UNC5D: variants seen among roughly 807,000 people sequenced by gnomAD.
The protein encoded by UNC5D is netrin receptor UNC5D.
In UNC5D, 39 loss-of-function variants were observed where a neutral mutation model predicts 105.4. The observed-to-expected ratio is 0.37, with a 90% CI of 0.29 to 0.48. The LOEUF is 0.48. Among genes scored for constraint, UNC5D ranks in the 20% least tolerant of loss-of-function variants. UNC5D has a pLI of 0.98. For missense variants in UNC5D, 991 were observed against 1,202.4 expected, an observed-to-expected ratio of 0.82 and a Z score of 2.60; for synonymous variants, 452 against 450.4, an observed-to-expected ratio of 1.00 and a Z score of -0.04.
chr8:35,544,335 A>T, intron 1 of UNC5D: 1 of 1,517,118 alleles, frequency 6.6e-7, no homozygotes, highest in Non-Finnish European at 8.9e-7. Flanking sequence ...AGGAAGATGC[A>T]GCTGTATCAG....
intron 1 of UNC5D, among the ~76,000 whole-genome samples, chr8:35,258,184 T>C (rs578063456): frequency 6.6e-6 from 1 of 152,280 alleles, no homozygotes; most frequent in South Asian, 2.1e-4. Context: ...ACAGTGTTCT[T>C]ACATGGTGGA....
At chr8:35,406,895 G>A (rs533988952) in intron 1 of UNC5D, among the ~76,000 whole-genome samples, 2 of 152,234 alleles carry the variant, frequency 1.3e-5, no homozygotes, top group South Asian at 2.1e-4. Context: ...ATGTGTGTAT[G>A]ATGCACGTAT....
chr8:35,347,266 C>A (rs558581127), intron 1 of UNC5D, among the ~76,000 whole-genome samples: 1 of 152,088 alleles, frequency 6.6e-6, no homozygotes, highest in East Asian at 1.9e-4. Flanking sequence ...ATAATCTACC[C>A]AAGTGGTCAG....
intron 1 of UNC5D, among the ~76,000 whole-genome samples, chr8:35,283,669 T>C (rs970480806): frequency 2.0e-5 from 3 of 152,126 alleles, no homozygotes; most frequent in African/African-American, 7.2e-5. Flanking sequence ...CTGGGCATGG[T>C]GGCACACACC....
chr8:35,510,587 G>T (rs914146267), intron 1 of UNC5D, among the ~76,000 whole-genome samples: 1 of 152,078 alleles, frequency 6.6e-6, no homozygotes, highest in African/African-American at 2.4e-5. Flanking sequence ...CTGAGACCAA[G>T]AAATATTTGA....
chr8:35,544,902 C>A (rs1815539614), intron 1 of UNC5D, among the ~76,000 whole-genome samples: 2 of 152,150 alleles, frequency 1.3e-5, no homozygotes, highest in Non-Finnish European at 1.5e-5. Flanking sequence ...AGCACCTGGT[C>A]ACACCTATTC....
At position 35,415,018 on chromosome 8, in the gene UNC5D, G is replaced by A. The variant is rs1047865029; in HGVS notation, c.104-134274G>A. Among the ~76,000 whole-genome samples, 4 of 151,980 alleles carry A rather than the reference G, an allele frequency of 2.6e-5. No homozygotes were observed. In the South Asian group the frequency reaches 6.2e-4, roughly 24 times the overall value. ...ATCCAGGGAACCTTAAGGTACCTGT[G>A]GGTAGACCTCACCTTAGGTCTAAAT... On this transcript the variant is annotated intron_variant, in intron 1 of 16. Transcript: ENST00000404895.
chr8:35,463,593 G>T (rs1809060530), intron 1 of UNC5D, among the ~76,000 whole-genome samples: 1 of 143,626 alleles, frequency 7.0e-6, no homozygotes, highest in Non-Finnish European at 1.5e-5. Context: ...AGACATTTTT[G>T]AACAAAGCAA....
At position 35,790,634 on chromosome 8, in the gene UNC5D, T is replaced by C; in HGVS notation, c.*71T>C. ...TTGCTTTAAATGGGAAAGAGGCCGC[T>C]TTCTGCCCAGTGGCGTTGGGGGAAT... On this transcript the variant is annotated 3_prime_UTR_variant, in exon 17 of 17. Transcript: ENST00000404895. 1 of 1,553,996 alleles carries C rather than the reference T, an allele frequency of 6.4e-7. No homozygotes were observed. The highest frequency in any genetic ancestry group is 1.1e-5 in the South Asian group (1 of 88,340).
chr8:35,701,326 C>G (rs1586475223), intron 7 of UNC5D, among the ~76,000 whole-genome samples: 1 of 152,144 alleles, frequency 6.6e-6, no homozygotes, highest in Non-Finnish European at 1.5e-5. Flanking sequence ...AGGAGCAGCC[C>G]TCTGTCTGCA....
At chr8:35,493,586 A>G (rs1811351571) in intron 1 of UNC5D, among the ~76,000 whole-genome samples, 1 of 151,878 alleles carries the variant, frequency 6.6e-6, no homozygotes, top group South Asian at 2.1e-4. Flanking sequence ...ACCTCAAAGC[A>G]AAACAAAAAA....
At chr8:35,392,627 C>T (rs1359462540) in intron 1 of UNC5D, among the ~76,000 whole-genome samples, 1 of 152,154 alleles carries the variant, frequency 6.6e-6, no homozygotes, top group Admixed American at 6.5e-5. Context: ...ATTGGCACAC[C>T]TAGTAATCTA....
At chr8:35,370,788 G>A (rs1256040574) in intron 1 of UNC5D, among the ~76,000 whole-genome samples, 1 of 152,164 alleles carries the variant, frequency 6.6e-6, no homozygotes, top group Non-Finnish European at 1.5e-5. Flanking sequence ...ATGGAAATGG[G>A]CTGAATAAAT....
At chr8:35,459,286 G>A (rs1171595290) in intron 1 of UNC5D, among the ~76,000 whole-genome samples, 1 of 152,180 alleles carries the variant, frequency 6.6e-6, no homozygotes, top group Non-Finnish European at 1.5e-5. Flanking sequence ...TCAGTTAGGT[G>A]AGGGTGGAGA....
At chr8:35,372,047 A>G (rs1802455386) in intron 1 of UNC5D, among the ~76,000 whole-genome samples, 1 of 151,926 alleles carries the variant, frequency 6.6e-6, no homozygotes, top group African/African-American at 2.4e-5. Flanking sequence ...TTTCCCCCTC[A>G]CCCTGACCAT....
chr8:35,727,173 C>G (rs1303497310), intron 10 of UNC5D: 1 of 152,522 alleles, frequency 6.6e-6, no homozygotes, highest in African/African-American at 2.4e-5. Flanking sequence ...AAGTATCCAG[C>G]CCAGATCACT....
At chr8:35,533,256 C>T (rs1814544367) in intron 1 of UNC5D, among the ~76,000 whole-genome samples, 1 of 152,148 alleles carries the variant, frequency 6.6e-6, no homozygotes. Context: ...TGTTAGTTTT[C>T]CTTCTAACAG....
At chr8:35,515,796 G>A (rs1241352813) in intron 1 of UNC5D, among the ~76,000 whole-genome samples, 1 of 152,118 alleles carries the variant, frequency 6.6e-6, no homozygotes, top group Non-Finnish European at 1.5e-5. Flanking sequence ...CTGCTTTATG[G>A]ATATAATAAG....
At chr8:35,706,789 G>A (rs1316225135) in intron 8 of UNC5D, among the ~76,000 whole-genome samples, 1 of 152,188 alleles carries the variant, frequency 6.6e-6, no homozygotes, top group Non-Finnish European at 1.5e-5. Context: ...TGTGGCTGGA[G>A]CTTGTTAAAT....
Sources: allele counts gnomAD v4.1 joint callset (sites outside exome capture counted in the v4.1 genomes callset), GRCh38; gene constraint gnomAD v4.1.1; transcripts MANE v1.5; gene names NCBI Gene and HGNC (gene_info 2026-07-23, HGNC 2026-07-21).